NIPAL2: variants seen among roughly 807,000 people sequenced by gnomAD.
NIPAL2 encodes the protein NIPA-like protein 2.
A neutral mutation model predicts 48.9 loss-of-function variants in NIPAL2; 43 were observed. The ratio of observed to expected loss-of-function variants is 0.88; its 90% confidence interval spans 0.69 to 1.13. The LOEUF is 1.13. Among genes scored for constraint, NIPAL2 ranks in the 50% most tolerant of loss-of-function variants. The probability of loss-of-function intolerance (pLI) is 0.00; values close to 1 mark genes in which losing one functional copy is unlikely to be tolerated. For missense variants in NIPAL2, 446 were observed against 461.4 expected (o/e 0.97, Z 0.31); for synonymous variants, 167 against 174.6 (o/e 0.96, Z 0.34).
At chr8:98,206,849 C>T (rs115488938) in intron 6 of NIPAL2, among the ~76,000 whole-genome samples, 2,198 of 151,922 alleles carry the variant, frequency 0.014, 49 homozygotes, top group African/African-American at 0.051. Flanking sequence ...AAAAACAAAC[C>T]CCACTTCTCA....
chr8:98,279,286 CTTCCAATTACAA>C (rs1346140324), intron 1 of NIPAL2, among the ~76,000 whole-genome samples: 12 of 152,170 alleles, frequency 7.9e-5, no homozygotes, highest in Non-Finnish European at 1.8e-4. Flanking sequence ...CTAAATACTG[CTTCCAATTACAA>C]GCTCTGGTAA....
At chr8:98,226,483 A>G (rs188977640) in intron 4 of NIPAL2, among the ~76,000 whole-genome samples, 1 of 152,324 alleles carries the variant, frequency 6.6e-6, no homozygotes, top group East Asian at 1.9e-4. Flanking sequence ...GCAGATTTGT[A>G]GAGGTACTAT....
intron 10 of NIPAL2, chr8:98,193,389 A>G: frequency 6.2e-7 from 1 of 1,614,040 alleles, no homozygotes; most frequent in African/African-American, 1.3e-5. Context: ...ACTCACCTCC[A>G]AGCCTTTCTC....
At chr8:98,262,659 G>A (rs1322922781) in intron 1 of NIPAL2, among the ~76,000 whole-genome samples, 1 of 150,950 alleles carries the variant, frequency 6.6e-6, no homozygotes, top group Non-Finnish European at 1.5e-5. Flanking sequence ...AAGAGACTTA[G>A]ACTCCCACAC....
chr8:98,254,421 C>T (rs1813762747), intron 1 of NIPAL2, among the ~76,000 whole-genome samples: 1 of 152,052 alleles, frequency 6.6e-6, no homozygotes, highest in Non-Finnish European at 1.5e-5. Flanking sequence ...TTTCTTTTCT[C>T]TAATATCTTT....
rs753061944 is a variant in NIPAL2 at position 98,253,970 on chromosome 8, G to A, written c.204+49C>T. ...GCCCAATGCCCATGAGAGTCATAATGTGTCCCTGGATCAATCTATAGTGTT... is the reference window on the plus strand; with the variant it reads ...GCCCAATGCCCATGAGAGTCATAATATGTCCCTGGATCAATCTATAGTGTT... On this transcript the variant is annotated intron_variant, in intron 2 of 10. Transcript: ENST00000430223. The A allele has an allele frequency of 2.3e-6, 3 of 1,300,754 alleles. No homozygotes were observed. The Admixed American group carries it at 5.6e-5, about 24-fold the overall frequency. The allele number at this position is 1,300,754 out of a possible 1,614,324, so 80.6% of individuals were successfully genotyped here. A position where few individuals can be genotyped will look rare whatever the true frequency, so the allele number is the denominator to read the frequency against.
chr8:98,258,995 T>A (rs948265707), intron 1 of NIPAL2, among the ~76,000 whole-genome samples: 1 of 149,602 alleles, frequency 6.7e-6, no homozygotes, highest in Non-Finnish European at 1.5e-5. Context: ...TGACACCAAA[T>A]ACACAGGCCA....
intron 3 of NIPAL2, 130 bp downstream of exon 3, chr8:98,252,333 T>A: frequency 1.2e-6 from 1 of 838,318 alleles, no homozygotes; most frequent in Non-Finnish European, 1.7e-6. Flanking sequence ...GAATAATTGT[T>A]CCATGTTAAC....
At chr8:98,272,760 G>T (rs984681972) in intron 1 of NIPAL2, among the ~76,000 whole-genome samples, 2 of 151,946 alleles carry the variant, frequency 1.3e-5, no homozygotes, top group Non-Finnish European at 2.9e-5. Flanking sequence ...GACTACAGAC[G>T]CGTGGCACAA....
intron 1 of NIPAL2, among the ~76,000 whole-genome samples, chr8:98,259,616 C>T (rs1814168081): frequency 6.6e-6 from 1 of 152,208 alleles, no homozygotes; most frequent in Non-Finnish European, 1.5e-5. Flanking sequence ...CCCTTGAATT[C>T]AGGCTACAAA....
At chr8:98,193,194 A>G in intron 10 of NIPAL2, 104 bp from the exon 11 acceptor site, 2 of 1,075,322 alleles carry the variant, frequency 1.9e-6, no homozygotes, top group Admixed American at 1.8e-5. Context: ...TCTCTTTTAT[A>G]CTATGTGGGC....
At chr8:98,284,399 TTCTC>T (rs72278053) in intron 1 of NIPAL2, among the ~76,000 whole-genome samples, 2 of 117,228 alleles carry the variant, frequency 1.7e-5, no homozygotes, top group African/African-American at 3.4e-5. Flanking sequence ...TTCTAAGGCA[TTCTC>T]TCTCTCTCTC....
At chr8:98,249,788 T>C (rs1310763530) in intron 3 of NIPAL2, among the ~76,000 whole-genome samples, 2 of 147,902 alleles carry the variant, frequency 1.4e-5, no homozygotes, top group African/African-American at 4.9e-5. Context: ...TATAATTATA[T>C]ATAATATATA....
rs1301694323 is a variant in NIPAL2 at position 98,203,111 on chromosome 8, C to G, written c.877G>C (p.Ala293Pro). 1.9e-6 allele frequency: 3 copies of G among 1,612,440 alleles called. No homozygotes were observed. Among genetic ancestry groups the G allele is most frequent in the Non-Finnish European group, 2.5e-6 (3 of 1,178,470 alleles). Residue 293 changes from alanine to proline, a missense_variant, in exon 8 of 11, where the codon GCA becomes CCA. Coordinates refer to ENST00000430223, the MANE Select transcript of NIPAL2 (RefSeq NM_001321635.2). ...TGTATAGAAAACCAAAACTCACCTG[C>G]AATGATGGCACTGATTGTAAAGAAA... ...HIFFTISAII[A>P]GIIFYQEFLG...
intron 1 of NIPAL2, among the ~76,000 whole-genome samples, chr8:98,265,879 A>G (rs1387446516): frequency 6.6e-6 from 1 of 151,752 alleles, no homozygotes; most frequent in Non-Finnish European, 1.5e-5. Context: ...CTTGGAATCA[A>G]CCCAAATGTC....
chr8:98,216,111 T>C (rs1811561483), intron 5 of NIPAL2, among the ~76,000 whole-genome samples: 1 of 152,182 alleles, frequency 6.6e-6, no homozygotes, highest in Admixed American at 6.5e-5. Flanking sequence ...ACAAATGAGC[T>C]CTGCAAAGGT....
intron 1 of NIPAL2, among the ~76,000 whole-genome samples, chr8:98,255,248 CA>C (rs1191021641): frequency 3.3e-5 from 5 of 152,138 alleles, no homozygotes; most frequent in Non-Finnish European, 5.9e-5. Context: ...TTAACGATTT[CA>C]AAAGATGCAT....
In NIPAL2 at chr8:98,200,015, G is replaced by A. The variant is rs768306619; in HGVS notation, c.880+3093C>T. Among the ~76,000 whole-genome samples, 7 of 151,326 alleles carry A rather than the reference G, an allele frequency of 4.6e-5. 1 individual carries two copies. Among genetic ancestry groups the A allele is most frequent in the Admixed American group, 2.0e-4 (3 of 15,252 alleles). Reference sequence around the variant, plus strand: ...GTCACCCAGGCTGGAGAGTAGTGGCGTGATTATAGCTTACTGTAACCTTGA... The same window carrying A: ...GTCACCCAGGCTGGAGAGTAGTGGCATGATTATAGCTTACTGTAACCTTGA... On this transcript the variant is annotated intron_variant, in intron 8 of 10. Coordinates refer to ENST00000430223, the MANE Select transcript of NIPAL2 (RefSeq NM_001321635.2).
intron 1 of NIPAL2, among the ~76,000 whole-genome samples, chr8:98,254,394 G>A (rs749368155): frequency 5.9e-5 from 9 of 151,992 alleles, no homozygotes; most frequent in African/African-American, 1.7e-4. Context: ...TGCTTCTTAC[G>A]TATCCTTTCT....
Sources: allele counts gnomAD v4.1 joint callset (sites outside exome capture counted in the v4.1 genomes callset), GRCh38; gene constraint gnomAD v4.1.1; transcripts MANE v1.5; gene names NCBI Gene and HGNC (gene_info 2026-07-23, HGNC 2026-07-21).